The following ADGRA1 variants were observed in gnomAD, a reference collection of about 807,000 sequenced individuals.
ADGRA1 encodes G-protein coupled receptor 123.
ADGRA1 carries 12 observed loss-of-function variants against 21.3 expected under a neutral mutation model. The observed-to-expected ratio is 0.56, with a 90% confidence interval of 0.36 to 0.91. The LOEUF (loss-of-function observed/expected upper bound fraction) is 0.91, where lower values mean the gene tolerates loss of function less well. Among genes scored for constraint, ADGRA1 ranks in the 40% least tolerant of loss-of-function variants. ADGRA1 has a pLI of 0.01. For missense variants in ADGRA1, 790 were observed against 805.6 expected (o/e 0.98, Z 0.23); for synonymous variants, 385 against 368.8 (o/e 1.04, Z -0.50).
Position 133,098,643 on chromosome 10 carries a change from C to T in ADGRA1, c.135C>T (p.Ala45=), listed in dbSNP as rs1307758581. Residue 45 remains alanine (A), a synonymous_variant, in exon 4 of 7, where the codon GCC becomes GCT. Coordinates refer to ENST00000392607, the MANE Select transcript of ADGRA1 (RefSeq NM_001083909.3). ...ACCCTCCTTTCCCGTCCCACAGCGC[C>T]ATCCGCATCAGCCGCAAGGGCCGGC... ...SFVTYIVHQS[A]IRISRKGRHT... is the part of the protein sequence containing the mutation. The T allele has an allele frequency of 1.9e-6, 3 of 1,608,676 alleles. No homozygotes were observed. The highest frequency in any genetic ancestry group is 2.2e-5 in the East Asian group (1 of 44,876).
intron 5 of ADGRA1, among the ~76,000 whole-genome samples, chr10:133,115,452 C>A (rs963245940): frequency 3.9e-5 from 6 of 152,206 alleles, no homozygotes; most frequent in Non-Finnish European, 8.8e-5. Flanking sequence ...CCTCACGAGG[C>A]CACAGCTGGA....
intron 2 of ADGRA1, among the ~76,000 whole-genome samples, chr10:133,094,562 C>G (rs1222561758): frequency 2.0e-5 from 3 of 152,172 alleles, no homozygotes; most frequent in Admixed American, 2.0e-4. Context: ...CAGACCACCC[C>G]AGGCTCTTCA....
At chr10:133,090,330 A>G (rs1488583904) in intron 2 of ADGRA1, among the ~76,000 whole-genome samples, 1 of 151,926 alleles carries the variant, frequency 6.6e-6, no homozygotes, top group Non-Finnish European at 1.5e-5. Flanking sequence ...GCCCGGGGCC[A>G]CCCGGTCCCA....
At chr10:133,113,945 G>A (rs1852109263) in intron 5 of ADGRA1, among the ~76,000 whole-genome samples, 1 of 152,212 alleles carries the variant, frequency 6.6e-6, no homozygotes. Context: ...GAAACCAAGG[G>A]CCCACAGGCA....
chr10:133,101,059 G>A (rs571472728), intron 4 of ADGRA1, among the ~76,000 whole-genome samples: 14 of 152,224 alleles, frequency 9.2e-5, no homozygotes, highest in Non-Finnish European at 1.5e-4. Flanking sequence ...CTGAGGCCAG[G>A]CCAGTTCCGC....
chr10:133,089,780 A>C (rs955835895), intron 2 of ADGRA1, among the ~76,000 whole-genome samples: 6 of 152,202 alleles, frequency 3.9e-5, no homozygotes, highest in Admixed American at 2.0e-4. Context: ...AGCAAGAGAG[A>C]TGCCTTTGCC....
intron 5 of ADGRA1, among the ~76,000 whole-genome samples, chr10:133,113,211 A>AGGTCTGTAAGCTGTGTCAGTTATTTGG (rs1852095462): frequency 3.0e-5 from 2 of 67,130 alleles, no homozygotes; most frequent in South Asian, 5.0e-4. Flanking sequence ...CGGTTATTTG[A>AGGTCTGTAAGCTGTGTCAGTTATTTGG]GGTCTGCGGG....
rs939281952 is a variant in ADGRA1 at position 133,091,823 on chromosome 10, C to T, written c.3+2911C>T. On this transcript the variant is annotated intron_variant, in intron 2 of 6. Coordinates refer to ENST00000392607, the MANE Select transcript of ADGRA1 (RefSeq NM_001083909.3). ...AGTGCCTTCGAAACCTCCAAGGAGA[C>T]GAGGCGGGTAGCCAAAGGGTGAAGA... 7.9e-5 allele frequency among the ~76,000 whole-genome samples: 12 copies of T among 152,258 alleles called. No individual in the cohort carries two copies. The East Asian group carries it at 2.1e-3, about 27-fold the overall frequency.
intron 5 of ADGRA1, among the ~76,000 whole-genome samples, chr10:133,120,959 C>T (rs574846852): frequency 6.6e-6 from 1 of 152,240 alleles, no homozygotes; most frequent in South Asian, 2.1e-4. Context: ...ACTTAGAGGC[C>T]ATTGTAGGGT....
intron 4 of ADGRA1, among the ~76,000 whole-genome samples, chr10:133,100,865 AGGT>A (rs1851778868): frequency 6.6e-6 from 1 of 152,162 alleles, no homozygotes; most frequent in South Asian, 2.1e-4. Context: ...TTCCCACGGC[AGGT>A]GGTGGGAGGT....
In ADGRA1 at chr10:133,096,988, G is replaced by T. The variant is rs1466997396; in HGVS notation, c.18G>T (p.Val6=). 1 of 1,613,070 alleles carries T rather than the reference G, an allele frequency of 6.2e-7. No homozygotes were observed. The highest frequency in any genetic ancestry group is 8.5e-7 in the Non-Finnish European group (1 of 1,179,396). ...TTTATCCTCAGGATCTGAAGACAGTGCTCTCCCTGCCCCGCTACCCAGGGG... is the reference window on the plus strand; with the variant it reads ...TTTATCCTCAGGATCTGAAGACAGTTCTCTCCCTGCCCCGCTACCCAGGGG... The part of the protein sequence containing the change: MDLKT[V]LSLPRYPGEF... Residue 6 remains valine (V), a synonymous_variant, in exon 3 of 7, where the codon GTG becomes GTT. Transcript: ENST00000392607.
At position 133,129,210 on chromosome 10, in the gene ADGRA1, A is replaced by G; in HGVS notation, c.1382A>G (p.Asp461Gly). Reference protein sequence around the residue: ...SRTDSPPSSLDGPAGTHTLAC... With the variant: ...SRTDSPPSSLGGPAGTHTLAC... ...ACAGACAGCCCCCCCAGCTCTCTGG[A>G]TGGCCCGGCGGGGACACACACGCTG... The change falls in exon 7 of 7, where the codon GAT becomes GGT. Residue 461 changes from aspartate (D) to glycine (G), a missense_variant. Asp to Gly is a moderately conservative substitution (Grantham distance 94). Transcript: ENST00000392607. 1 of 1,549,996 alleles carries G rather than the reference A, an allele frequency of 6.5e-7. No homozygotes were observed. Among genetic ancestry groups the G allele is most frequent in the Non-Finnish European group, 8.7e-7 (1 of 1,146,918 alleles).
rs1851547190 is a variant in ADGRA1 at position 133,088,752 on chromosome 10, T to C, written c.-158T>C. On this transcript the variant is annotated 5_prime_UTR_variant, in exon 2 of 7. An upstream open reading frame in the 5' UTR loses its in-frame stop. Coordinates refer to ENST00000392607, the MANE Select transcript of ADGRA1 (RefSeq NM_001083909.3). Reference sequence around the variant, plus strand: ...TGCGCCCGCCCCGCCGCGGTCACCCTGAGGCCAGGGGCCCGGGAGCGCGAC... The same window carrying C: ...TGCGCCCGCCCCGCCGCGGTCACCCCGAGGCCAGGGGCCCGGGAGCGCGAC... The C allele has an allele frequency of 8.1e-7, 1 of 1,231,038 alleles. No individual in the cohort carries two copies. Among genetic ancestry groups the C allele is most frequent in the Non-Finnish European group, 1.0e-6 (1 of 987,596 alleles). The allele number at this position is 1,231,038 out of a possible 1,614,324, so 76.3% of individuals were successfully genotyped here.
At chr10:133,102,365 C>T (rs1389848212) in intron 4 of ADGRA1, 3 of 523,114 alleles carry the variant, frequency 5.7e-6, no homozygotes, top group South Asian at 1.5e-5. Context: ...CGTTGGTCTG[C>T]AGCTCACAGT....
chr10:133,114,256 C>A (rs1256234886), intron 5 of ADGRA1, among the ~76,000 whole-genome samples: 2 of 152,180 alleles, frequency 1.3e-5, no homozygotes, highest in African/African-American at 2.4e-5. Flanking sequence ...AGGGATGGTA[C>A]CTCGAGGCCA....
intron 2 of ADGRA1, among the ~76,000 whole-genome samples, chr10:133,095,969 G>A (rs1267768867): frequency 6.6e-6 from 1 of 151,948 alleles, no homozygotes; most frequent in African/African-American, 2.4e-5. Flanking sequence ...CAGGGGGCTG[G>A]GGAGGGGCCA....
chr10:133,125,236 A>G (rs1282237019), intron 5 of ADGRA1, among the ~76,000 whole-genome samples: 1 of 152,100 alleles, frequency 6.6e-6, no homozygotes, highest in African/African-American at 2.4e-5. Context: ...CTGCCTTTGG[A>G]TCGGAGCTTT....
At chr10:133,120,529 T>C (rs1171250182) in intron 5 of ADGRA1, among the ~76,000 whole-genome samples, 6 of 152,258 alleles carry the variant, frequency 3.9e-5, no homozygotes, top group Admixed American at 2.0e-4. Context: ...CCTGCACTTT[T>C]ACGTTATGAA....
intron 5 of ADGRA1, among the ~76,000 whole-genome samples, chr10:133,103,988 G>A (rs1851847026): frequency 6.6e-6 from 1 of 152,232 alleles, no homozygotes; most frequent in South Asian, 2.1e-4. Context: ...GCGGTCCCAG[G>A]GGGTCTTGGA....
Sources: allele counts gnomAD v4.1 joint callset (sites outside exome capture counted in the v4.1 genomes callset), GRCh38; gene constraint gnomAD v4.1.1; transcripts MANE v1.5; gene names NCBI Gene and HGNC (gene_info 2026-07-23, HGNC 2026-07-21).